Variants in CNTNAP5 observed in about 807,000 individuals in gnomAD.
The protein encoded by CNTNAP5 is contactin-associated protein-like 5.
Under a neutral mutation model 150.2 loss-of-function variants are expected in CNTNAP5, and 72 were observed. The ratio of observed to expected loss-of-function variants is 0.48; its 90% CI spans 0.40 to 0.58. The LOEUF (loss-of-function observed/expected upper bound fraction) is 0.58. CNTNAP5 is among the 20% of genes least tolerant of loss of function. CNTNAP5 has a pLI of 0.00. For synonymous variants in CNTNAP5, 672 were observed against 619.8 expected (o/e 1.08, Z -1.25); for missense variants, 1,636 against 1,626.2 (o/e 1.01, Z -0.10).
chr2:124,580,323 C>T (rs1696381073), intron 11 of CNTNAP5, among the ~76,000 whole-genome samples: 1 of 152,102 alleles, frequency 6.6e-6, no homozygotes, highest in Non-Finnish European at 1.5e-5. Flanking sequence ...TCAACTATAA[C>T]CTAAACAGAG....
chr2:124,757,430 G>T (rs1194769638), intron 14 of CNTNAP5, among the ~76,000 whole-genome samples: 2 of 152,160 alleles, frequency 1.3e-5, no homozygotes, highest in East Asian at 3.9e-4. Flanking sequence ...TCCAGAGGCG[G>T]CACAGACTAA....
intron 3 of CNTNAP5, among the ~76,000 whole-genome samples, chr2:124,346,432 C>A (rs1282716987): frequency 1.3e-5 from 2 of 152,108 alleles, no homozygotes; most frequent in South Asian, 2.1e-4. Context: ...AGTAAGAACA[C>A]AATGAACATA....
At chr2:124,755,424 C>A (rs945854824) in intron 14 of CNTNAP5, among the ~76,000 whole-genome samples, 4 of 152,138 alleles carry the variant, frequency 2.6e-5, no homozygotes, top group African/African-American at 9.7e-5. Flanking sequence ...CAGGGATATT[C>A]AGAACTCACC....
chr2:124,265,805 C>T (rs1438370920), intron 3 of CNTNAP5, among the ~76,000 whole-genome samples: 1 of 151,346 alleles, frequency 6.6e-6, no homozygotes, highest in Non-Finnish European at 1.5e-5. Context: ...AATTAATGGG[C>T]CTTCACGTTT....
At chr2:124,674,509 C>CTTTCTTTCTTTCTTTCTTTCTT (rs1553430171) in intron 13 of CNTNAP5, among the ~76,000 whole-genome samples, 12 of 115,364 alleles carry the variant, frequency 1.0e-4, no homozygotes, top group Admixed American at 2.0e-4. Context: ...TTCTTTCTTT[C>CTTTCTTTCTTTCTTTCTTTCTT]TCTTTCTTTC....
chr2:124,524,429 C>T lies in CNTNAP5; in HGVS notation c.1454C>T (p.Ser485Phe). Residue 485 changes from serine (S) to phenylalanine (F), a missense_variant, in exon 9 of 24, where the codon TCT becomes TTT. Transcript: ENST00000682447. Reference sequence around the variant, plus strand: ...GACAGCACTTGGGTGCAGATTTATTCTGGAAATAGCTACTATTTTGGAGGT... The same window carrying T: ...GACAGCACTTGGGTGCAGATTTATTTTGGAAATAGCTACTATTTTGGAGGT... Reference protein sequence around the residue: ...APDSTWVQIYSGNSYYFGGCP... With the variant: ...APDSTWVQIYFGNSYYFGGCP... 3 of 1,612,632 alleles carry T rather than the reference C, an allele frequency of 1.9e-6. No homozygotes were observed. The highest frequency in any genetic ancestry group is 2.5e-6 in the Non-Finnish European group (3 of 1,179,234).
intron 13 of CNTNAP5, among the ~76,000 whole-genome samples, chr2:124,663,785 AG>A (rs1455917915): frequency 6.6e-6 from 1 of 152,164 alleles, no homozygotes; most frequent in Admixed American, 6.5e-5. Flanking sequence ...CTGAAAAACA[AG>A]AGTCCATGAT....
chr2:124,731,430 A>T (rs551043473), intron 13 of CNTNAP5, among the ~76,000 whole-genome samples: 1 of 152,132 alleles, frequency 6.6e-6, no homozygotes, highest in East Asian at 1.9e-4. Context: ...GATTGTGATA[A>T]ATTCTTGTCG....
chr2:124,085,146 C>A (rs932204066), intron 1 of CNTNAP5, among the ~76,000 whole-genome samples: 8 of 151,536 alleles, frequency 5.3e-5, no homozygotes, highest in Non-Finnish European at 1.0e-4. Context: ...GGTCTTGAAC[C>A]CCTGACCTCG....
At chr2:124,382,371 A>C (rs1257430239) in intron 3 of CNTNAP5, among the ~76,000 whole-genome samples, 1 of 152,150 alleles carries the variant, frequency 6.6e-6, no homozygotes, top group Non-Finnish European at 1.5e-5. Context: ...GGTGAGGAAG[A>C]AATATTGGAG....
chr2:124,658,664 C>T (rs557697501), intron 13 of CNTNAP5, among the ~76,000 whole-genome samples: 26 of 152,230 alleles, frequency 1.7e-4, no homozygotes, highest in African/African-American at 6.0e-4. Context: ...TCCCTAGGGT[C>T]ATACATAACA....
rs34911795 is a variant in CNTNAP5 at position 124,543,951 on chromosome 2, G to GTT, written c.1649+16503_1649+16504dup. On this transcript the variant is annotated intron_variant, in intron 10 of 23. Coordinates refer to ENST00000682447, the MANE Select transcript of CNTNAP5 (RefSeq NM_001367498.1). ...CAACAATTGGACCAGATGCTAGCTA[G>GTT]TTTTTTTTTCCTGCTAATTTTCTTG... 3.7e-4 allele frequency among the ~76,000 whole-genome samples: 56 copies of GTT among 151,350 alleles called. 1 individual carries two copies. Among genetic ancestry groups the GTT allele is most frequent in the African/African-American group, 6.8e-4 (28 of 41,306 alleles).
intron 19 of CNTNAP5, among the ~76,000 whole-genome samples, chr2:124,812,910 T>G (rs897883770): frequency 6.6e-6 from 1 of 152,150 alleles, no homozygotes; most frequent in Non-Finnish European, 1.5e-5. Flanking sequence ...AGAATAAATC[T>G]CTTCAAATAT....
At chr2:124,618,024 T>C (rs562968416) in intron 12 of CNTNAP5, among the ~76,000 whole-genome samples, 25 of 152,148 alleles carry the variant, frequency 1.6e-4, no homozygotes, top group Admixed American at 3.9e-4. Context: ...ACCAACCCAC[T>C]GAGCTGACTT....
At chr2:124,813,245 T>A (rs1682277865) in intron 19 of CNTNAP5, among the ~76,000 whole-genome samples, 1 of 151,858 alleles carries the variant, frequency 6.6e-6, no homozygotes, top group Non-Finnish European at 1.5e-5. Context: ...TCCGGTTAAT[T>A]TTTTTGTATT....
chr2:124,480,927 T>C (rs1192325328), intron 7 of CNTNAP5, among the ~76,000 whole-genome samples: 1 of 152,124 alleles, frequency 6.6e-6, no homozygotes, highest in Non-Finnish European at 1.5e-5. Context: ...AGTTTCAAGG[T>C]CATATGAAGA....
At chr2:124,572,915 C>T (rs1156466911) in intron 11 of CNTNAP5, among the ~76,000 whole-genome samples, 1 of 152,210 alleles carries the variant, frequency 6.6e-6, no homozygotes, top group African/African-American at 2.4e-5. Context: ...TCTCACATAG[C>T]ACTTATTCTA....
At chr2:124,028,138 T>C (rs1680948037) in intron 1 of CNTNAP5, among the ~76,000 whole-genome samples, 1 of 152,226 alleles carries the variant, frequency 6.6e-6, no homozygotes, top group African/African-American at 2.4e-5. Context: ...AAGTAATATG[T>C]CGTGACATTT....
chr2:124,530,085 G>A (rs1319116104), intron 10 of CNTNAP5, among the ~76,000 whole-genome samples: 4 of 152,138 alleles, frequency 2.6e-5, no homozygotes, highest in South Asian at 4.1e-4. Flanking sequence ...GCCAAGGAAG[G>A]CAGATTAACT....
Sources: gnomAD v4.1 joint callset for allele counts (sites outside exome capture counted in the v4.1 genomes callset) on GRCh38, gnomAD v4.1.1 for gene constraint, MANE v1.5 for transcripts, NCBI Gene and HGNC (gene_info 2026-07-23, HGNC 2026-07-21) for gene names.